The following PIK3C2B variants were observed in gnomAD, a reference collection of about 807,000 sequenced individuals.
PIK3C2B encodes phosphatidylinositol-4-phosphate 3-kinase catalytic subunit type 2 beta, also known as phosphatidylinositol 4-phosphate 3-kinase C2 domain-containing subunit beta.
PIK3C2B carries 83 observed loss-of-function variants against 184.3 expected under a neutral mutation model. The ratio of observed to expected loss-of-function variants is 0.45; its 90% CI spans 0.38 to 0.54. The LOEUF (loss-of-function observed/expected upper bound fraction) is 0.54. Ranked by LOEUF, PIK3C2B falls within the 20% of genes least tolerant of loss-of-function variation. The probability of loss-of-function intolerance (pLI) is 0.00; values close to 1 mark genes in which losing one functional copy is unlikely to be tolerated. For synonymous variants in PIK3C2B, 779 were observed against 837.6 expected (o/e 0.93, Z 1.21); for missense variants, 1,736 against 2,113.5 (o/e 0.82, Z 3.50).
At chr1:204,448,932 G>A (rs1054622655) in intron 14 of PIK3C2B, among the ~76,000 whole-genome samples, 1 of 152,170 alleles carries the variant, frequency 6.6e-6, no homozygotes, top group Middle Eastern at 3.2e-3. Context: ...CCTGAATGCA[G>A]AGGGTCTCAG....
rs1047356890 is a variant in PIK3C2B at position 204,428,834 on chromosome 1, A to T, written c.4399-614T>A. The T allele has an allele frequency of 4.4e-5, 18 of 410,946 alleles. 1 individual carries two copies. In the Middle Eastern group the frequency reaches 3.1e-3, roughly 72 times the overall value. The allele number at this position is 410,946 out of a possible 1,614,324, so 25.5% of individuals were successfully genotyped here. A position where few individuals can be genotyped will look rare whatever the true frequency, so the allele number is the denominator to read the frequency against. On this transcript the variant is annotated intron_variant, in intron 29 of 32. Coordinates refer to ENST00000684373, the MANE Select transcript of PIK3C2B (RefSeq NM_001377334.1). ...AAAAATAGAAGAAGCAAATATAGCA[A>T]AATGTTAAGTGTTTAGGTGATGGAT...
At chr1:204,445,800 G>A (rs1025304871) in intron 16 of PIK3C2B, among the ~76,000 whole-genome samples, 156 bp downstream of exon 16, 1 of 152,134 alleles carries the variant, frequency 6.6e-6, no homozygotes, top group Non-Finnish European at 1.5e-5. Context: ...AAGGGAAAAT[G>A]AGAAAGAAAA....
intron 12 of PIK3C2B, among the ~76,000 whole-genome samples, chr1:204,453,109 G>A (rs1024248278): frequency 2.0e-5 from 3 of 152,078 alleles, no homozygotes; most frequent in African/African-American, 7.2e-5. Flanking sequence ...GCCTCCCCAG[G>A]ACCCTCCTCA....
chr1:204,442,763 C>T, intron 19 of PIK3C2B, 130 bp from the exon 20 acceptor site: 1 of 623,508 alleles, frequency 1.6e-6, no homozygotes, highest in Non-Finnish European at 2.9e-6. Context: ...TGGACACCCT[C>T]CAGAAGATCC....
chr1:204,442,462 A>T, intron 20 of PIK3C2B, 64 bp downstream of exon 20: 1 of 1,026,514 alleles, frequency 9.7e-7, no homozygotes. Flanking sequence ...ATGCCTGGTT[A>T]GTGAAGACCT....
chr1:204,456,064 G>A lies in PIK3C2B; in HGVS notation c.1748-13C>T. Reference sequence around the variant, plus strand: ...TCCACGACCTTCTCTGGGAAGGGAAGGGGTCAGAAGGGAAAGTCATGAGGC... The same window carrying A: ...TCCACGACCTTCTCTGGGAAGGGAAAGGGTCAGAAGGGAAAGTCATGAGGC... On this transcript the variant is annotated splice_polypyrimidine_tract_variant and intron_variant, in intron 10 of 32. Transcript: ENST00000684373. The A allele has an allele frequency of 1.2e-6, 2 of 1,606,930 alleles. No individual in the cohort carries two copies. Among genetic ancestry groups the A allele is most frequent in the Non-Finnish European group, 1.7e-6 (2 of 1,175,124 alleles).
Position 204,468,920 on chromosome 1 carries a change from T to G in PIK3C2B, c.883A>C (p.Asn295His). ...PPRTYASRYG[N>H]RKNATPGKNR... ...TTGCCAGGCGTCGCATTCTTTCGGT[T>G]GCCATAGCGGGAGGCATAGGTGCGG... is the stretch of plus-strand genomic sequence containing the variant. The change falls in exon 2 of 33, where the codon AAC becomes CAC. Residue 295 changes from asparagine to histidine, a missense_variant. Coordinates refer to ENST00000684373, the MANE Select transcript of PIK3C2B (RefSeq NM_001377334.1). The G allele has an allele frequency of 6.2e-7, 1 of 1,605,488 alleles. No homozygotes were observed. Among genetic ancestry groups the G allele is most frequent in the Non-Finnish European group, 8.5e-7 (1 of 1,174,952 alleles).
chr1:204,477,518 A>G (rs935733197), intron 1 of PIK3C2B, among the ~76,000 whole-genome samples: 3 of 152,196 alleles, frequency 2.0e-5, no homozygotes, highest in Non-Finnish European at 4.4e-5. Context: ...CGGGGAGGAA[A>G]TGGGGTCAGG....
intron 7 of PIK3C2B, 148 bp downstream of exon 7, chr1:204,460,176 G>A (rs1655209651): frequency 1.4e-6 from 1 of 695,286 alleles, no homozygotes; most frequent in Non-Finnish European, 2.5e-6. Context: ...TGCCTGGAGT[G>A]GGGATCTTCT....
intron 23 of PIK3C2B, among the ~76,000 whole-genome samples, chr1:204,438,368 A>C (rs1675467267): frequency 6.6e-6 from 1 of 152,166 alleles, no homozygotes; most frequent in South Asian, 2.1e-4. Flanking sequence ...CTCCACTTCT[A>C]ATCTAATCTT....
rs1183267253 is a variant in PIK3C2B, at chr1:204,436,751, T to C, written c.3517-2143A>G. ...CATTTACACATATATGACTATTACA[T>C]TGGCAGGGAGTAATCACAACTCCAG... On this transcript the variant is annotated intron_variant, in intron 23 of 32. Transcript: ENST00000684373. 4.6e-5 allele frequency among the ~76,000 whole-genome samples: 7 copies of C among 152,344 alleles called. No individual in the cohort carries two copies. The South Asian group carries it at 1.2e-3, about 27-fold the overall frequency.
At chr1:204,483,305 C>G (rs189808272) in intron 1 of PIK3C2B, among the ~76,000 whole-genome samples, 2 of 151,950 alleles carry the variant, frequency 1.3e-5, no homozygotes, top group Admixed American at 1.3e-4. Context: ...GTAGTCCCAG[C>G]TACTTGGGAG....
Position 204,463,917 on chromosome 1 carries a change from G to A in PIK3C2B, c.1310+95C>T, listed in dbSNP as rs980938797. ...GGAGTCTTGACTGTGGGATTGGGGCGGAGCTGCCAGGCCGGTCCCAGCACC... is the reference window on the plus strand; with the variant it reads ...GGAGTCTTGACTGTGGGATTGGGGCAGAGCTGCCAGGCCGGTCCCAGCACC... On this transcript the variant is annotated intron_variant, in intron 5 of 32. Coordinates refer to ENST00000684373, the MANE Select transcript of PIK3C2B (RefSeq NM_001377334.1). 1.6e-5 allele frequency: 21 copies of A among 1,293,088 alleles called. No homozygotes were observed. In the East Asian group the frequency reaches 1.9e-4, roughly 12 times the overall value. 80.1% of individuals were successfully genotyped at this position (1,293,088 alleles called of 1,614,324 possible). A position where few individuals can be genotyped will look rare whatever the true frequency, so the allele number is the denominator to read the frequency against.
At chr1:204,427,987 G>A (rs925419802) in intron 30 of PIK3C2B, 152 bp downstream of exon 30, 14 of 635,202 alleles carry the variant, frequency 2.2e-5, no homozygotes, top group African/African-American at 7.4e-5. Flanking sequence ...TGGACCCCAC[G>A]GCCTGAGTGG....
At position 204,443,314 on chromosome 1, in the gene PIK3C2B, C is replaced by A. The variant is rs1653540373; in HGVS notation, c.3048+103G>T. 6.7e-6 allele frequency: 8 copies of A among 1,201,620 alleles called. No individual in the cohort carries two copies. In the East Asian group the frequency reaches 1.8e-4, roughly 26 times the overall value. 74.4% of individuals were successfully genotyped at this position (1,201,620 alleles called of 1,614,324 possible). A position where few individuals can be genotyped will look rare whatever the true frequency, so the allele number is the denominator to read the frequency against. On this transcript the variant is annotated intron_variant, in intron 19 of 32. Coordinates refer to ENST00000684373, the MANE Select transcript of PIK3C2B (RefSeq NM_001377334.1). ...AGTCAGCTGCTCCCCGCTCCAAAAT[C>A]AAAAATCGTCACGTGGAATCTTGTT...
rs970169045 is a variant in PIK3C2B at position 204,433,780 on chromosome 1, T to C, written c.3843+13A>G. On this transcript the variant is annotated intron_variant, in intron 25 of 32. Transcript: ENST00000684373. This position sits in a 1 kb window ranked among gnomAD's most constrained non-coding sequence, Gnocchi z 5.0. ...TAAGAAGAAGGTATTCGGAAAGGGA[T>C]GGAGCTCCTCACCAGGCCCAGAAGG... The C allele has an allele frequency of 1.9e-6, 3 of 1,611,962 alleles. No homozygotes were observed. Among genetic ancestry groups the C allele is most frequent in the Non-Finnish European group, 2.5e-6 (3 of 1,178,086 alleles).
At chr1:204,438,836 C>A in intron 23 of PIK3C2B, 99 bp downstream of exon 23, 1 of 1,356,588 alleles carries the variant, frequency 7.4e-7, no homozygotes. Flanking sequence ...CAAAGCTGAG[C>A]TGTCCTCTCT....
intron 28 of PIK3C2B, among the ~76,000 whole-genome samples, chr1:204,430,392 C>T (rs1347238419): frequency 6.6e-6 from 1 of 151,732 alleles, no homozygotes; most frequent in African/African-American, 2.4e-5. Context: ...GTCACCCAGG[C>T]GGGAGTACAG....
chr1:204,449,220 G>A lies in PIK3C2B; in HGVS notation c.2311C>T (p.Pro771Ser), dbSNP rs762947077. The A allele has an allele frequency of 1.2e-6, 2 of 1,612,952 alleles. No individual in the cohort carries two copies. Among genetic ancestry groups the A allele is most frequent in the East Asian group, 4.5e-5 (2 of 44,880 alleles). The change falls in exon 14 of 33, where the codon CCT (proline) becomes TCT (serine). Residue 771 changes from proline to serine, a missense_variant. Coordinates refer to ENST00000684373, the MANE Select transcript of PIK3C2B (RefSeq NM_001377334.1). ...ACACTGTCTGGCTGGTGGAAATTAG[G>A]TGCACTCCAACGGGCGCTGGGATTT... ...QENPSARWSAPNFHQPDSVIL... is the reference protein window; with the variant it reads ...QENPSARWSASNFHQPDSVIL...
Sources: allele counts gnomAD v4.1 joint callset (sites outside exome capture counted in the v4.1 genomes callset), GRCh38; gene constraint gnomAD v4.1.1; non-coding constraint Gnocchi (gnomAD v3.1); transcripts MANE v1.5; gene names NCBI Gene and HGNC (gene_info 2026-07-23, HGNC 2026-07-21).